The following WAPL variants were observed in gnomAD, a reference collection of about 807,000 sequenced individuals.
WAPL encodes the protein WAPL cohesin release factor.
WAPL carries 5 observed loss-of-function variants against 121.0 expected under a neutral mutation model. That is an observed-to-expected ratio of 0.04 (90% confidence interval 0.02 to 0.09). The LOEUF (loss-of-function observed/expected upper bound fraction) is 0.09. Ranked by LOEUF, WAPL falls within the 10% of genes least tolerant of loss-of-function variation. WAPL has a pLI of 1.00. For missense variants in WAPL, 999 were observed against 1,410.8 expected (o/e 0.71, Z 4.68); for synonymous variants, 480 against 481.5 (o/e 1.00, Z 0.04).
intron 2 of WAPL, among the ~76,000 whole-genome samples, chr10:86,502,160 A>C (rs544216774): frequency 1.3e-5 from 2 of 152,374 alleles, no homozygotes; most frequent in African/African-American, 2.4e-5. Context: ...CAAGAAACTC[A>C]ATAGAACACT....
chr10:86,497,510 T>A (rs1842171209), intron 3 of WAPL, among the ~76,000 whole-genome samples, 191 bp from the exon 4 acceptor site: 1 of 152,184 alleles, frequency 6.6e-6, no homozygotes, highest in Non-Finnish European at 1.5e-5. Flanking sequence ...TTCCTGCTTG[T>A]CCCTCCCGCA....
At chr10:86,494,731 C>CA (rs1842119269) in intron 4 of WAPL, among the ~76,000 whole-genome samples, 1 of 152,138 alleles carries the variant, frequency 6.6e-6, no homozygotes, top group Non-Finnish European at 1.5e-5. Flanking sequence ...AATGCCCATT[C>CA]AAAATGCAAG....
chr10:86,499,236 T>C (rs1316804888), intron 3 of WAPL, among the ~76,000 whole-genome samples: 10 of 152,222 alleles, frequency 6.6e-5, no homozygotes, highest in African/African-American at 2.4e-5. Flanking sequence ...TCATTAACAC[T>C]TGAAATGCTG....
At chr10:86,479,590 T>C (rs538100217) in intron 4 of WAPL, among the ~76,000 whole-genome samples, 1 of 152,354 alleles carries the variant, frequency 6.6e-6, no homozygotes, top group East Asian at 1.9e-4. Context: ...AAATACTTTA[T>C]GAACAAGAAG....
chr10:86,443,283 C>G lies in WAPL; in HGVS notation c.3403G>C (p.Glu1135Gln). 1 of 1,613,364 alleles carries G rather than the reference C, an allele frequency of 6.2e-7. No homozygotes were observed. Among genetic ancestry groups the G allele is most frequent in the Non-Finnish European group, 8.5e-7 (1 of 1,179,450 alleles). Residue 1135 changes from glutamate to glutamine, a missense_variant, in exon 17 of 19, where the codon GAA becomes CAA. This residue lies in a region of WAPL where 35 missense variants were observed against 80.3 expected (regional missense o/e 0.44). Transcript: ENST00000298767. ...CTGAACTATGTACTTACTGGACTTT[C>G]CTGGCAGAGACACCCAAGAAGTAGT... The part of the protein sequence containing the change: ...TALLLGCLCQ[E>Q]SPINVTTVRE...
intron 15 of WAPL, among the ~76,000 whole-genome samples, chr10:86,447,163 A>G (rs1289556783): frequency 1.3e-5 from 2 of 152,202 alleles, no homozygotes; most frequent in Admixed American, 6.5e-5. Context: ...TTTGGAATCT[A>G]CATGCCATGT....
chr10:86,499,794 A>T lies in WAPL; in HGVS notation c.1449T>A (p.Ala483=). ...RKTSKKRTKT[A]PSPSLQPPPE... ...GGGGAGGCTGCAAGGAGGGTGATGG[A>T]GCTGTTTTAGTTCTTTTTTTGCTTG... is the stretch of plus-strand genomic sequence containing the variant. Residue 483 remains alanine, a synonymous_variant, in exon 3 of 19, where the codon GCT becomes GCA. Coordinates refer to ENST00000298767, the MANE Select transcript of WAPL (RefSeq NM_015045.5). The T allele has an allele frequency of 6.2e-7, 1 of 1,612,458 alleles. No homozygotes were observed. The highest frequency in any genetic ancestry group is 1.7e-5 in the Admixed American group (1 of 59,618).
In WAPL at chr10:86,471,027, C is replaced by G; in HGVS notation, c.2107G>C (p.Val703Leu). ...TGGGAATCATCCAAGGTTTTAAAGACCATTGCTACCATCCCATGTGCTCTC... is the reference window on the plus strand; with the variant it reads ...TGGGAATCATCCAAGGTTTTAAAGAGCATTGCTACCATCCCATGTGCTCTC... ...HLRAHGMVAM[V>L]FKTLDDSQHH... Residue 703 changes from valine (V) to leucine (L), a missense_variant, in exon 8 of 19, where the codon GTC (valine) becomes CTC (leucine). This residue lies in a region of WAPL where 118 missense variants were observed against 318.3 expected (regional missense o/e 0.37). Transcript: ENST00000298767. 6.2e-7 allele frequency: 1 copy of G among 1,613,904 alleles called. No individual in the cohort carries two copies.
In WAPL at chr10:86,472,383, A is replaced by C; in HGVS notation, c.1894-39T>G. The stretch of plus-strand genomic sequence containing the variant: ...AAAAGTTCACCCCTTTTTAACTAGG[A>C]ACTAGCATATTTAAATCTATGGGCT... On this transcript the variant is annotated intron_variant, in intron 6 of 18. Transcript: ENST00000298767. The surrounding 1 kb of genome is among the most constrained non-coding windows in gnomAD (Gnocchi z 4.2). The C allele has an allele frequency of 6.3e-7, 1 of 1,575,578 alleles. No individual in the cohort carries two copies. Among genetic ancestry groups the C allele is most frequent in the South Asian group, 1.2e-5 (1 of 84,062 alleles).
Position 86,446,254 on chromosome 10 carries a change from C to T in WAPL, c.3310G>A (p.Asp1104Asn). The T allele has an allele frequency of 6.2e-7, 1 of 1,614,076 alleles. No individual in the cohort carries two copies. Among genetic ancestry groups the T allele is most frequent in the Non-Finnish European group, 8.5e-7 (1 of 1,179,986 alleles). The change falls in exon 16 of 19, where the codon GAC (aspartate) becomes AAC (asparagine). Residue 1104 changes from aspartate to asparagine, a missense_variant. Around this residue, in one of 7 missense-constraint regions of WAPL, gnomAD observed 126 missense variants for 144.0 expected, o/e 0.87. Coordinates refer to ENST00000298767, the MANE Select transcript of WAPL (RefSeq NM_015045.5). ...HKKEEEDEEL[D>N]LNKALQHAGK... is the part of the protein sequence containing the mutation. ...AAAGTAAATATACCTTTATTGAGGT[C>T]AAGTTCTTCATCCTCCTCCTCCTTC...
intron 4 of WAPL, among the ~76,000 whole-genome samples, chr10:86,481,181 A>C (rs945281380): frequency 6.6e-6 from 1 of 152,166 alleles, no homozygotes; most frequent in African/African-American, 2.4e-5. Flanking sequence ...AAAGATATAA[A>C]CAGTCAACAT....
At chr10:86,491,732 T>TA (rs1842052549) in intron 4 of WAPL, among the ~76,000 whole-genome samples, 1 of 147,696 alleles carries the variant, frequency 6.8e-6, no homozygotes, top group African/African-American at 2.5e-5. Flanking sequence ...CAACTTCAAC[T>TA]TAAAAAAAAA....
At chr10:86,446,722 T>A (rs762600412) in intron 15 of WAPL, among the ~76,000 whole-genome samples, 1 of 152,100 alleles carries the variant, frequency 6.6e-6, no homozygotes, top group Non-Finnish European at 1.5e-5. Context: ...TACAAGAAAT[T>A]CAAGCAAAAA....
In WAPL at chr10:86,437,628, G is replaced by A. The variant is rs761081270; in HGVS notation, c.3508-20C>T. On this transcript the variant is annotated intron_variant, in intron 18 of 18. Transcript: ENST00000298767. Reference sequence around the variant, plus strand: ...AGCACACTGAAAGCAGGGTGAAGGGGAAAGGAAGTAACAGTTAATATTTAA... The same window carrying A: ...AGCACACTGAAAGCAGGGTGAAGGGAAAAGGAAGTAACAGTTAATATTTAA... 1.2e-6 allele frequency: 2 copies of A among 1,612,092 alleles called. No homozygotes were observed. Among genetic ancestry groups the A allele is most frequent in the East Asian group, 2.2e-5 (1 of 44,844 alleles).
chr10:86,495,629 G>A (rs1842134646), intron 4 of WAPL, among the ~76,000 whole-genome samples: 1 of 152,040 alleles, frequency 6.6e-6, no homozygotes, highest in South Asian at 2.1e-4. Flanking sequence ...ACAATTTATT[G>A]GATATGACAC....
rs188868379 is a variant in WAPL at position 86,493,871 on chromosome 10, C to T, written c.1644+3330G>A. Among the ~76,000 whole-genome samples, 851 of 152,198 alleles carry T rather than the reference C, an allele frequency of 5.6e-3. 6 individuals carry two copies. The highest frequency in any genetic ancestry group is 0.019 in the African/African-American group (791 of 41,526). On this transcript the variant is annotated intron_variant, in intron 4 of 18. Coordinates refer to ENST00000298767, the MANE Select transcript of WAPL (RefSeq NM_015045.5). Reference sequence around the variant, plus strand: ...ACAAAAAATTAGCCAGGCATGGTGGCGCTTGCCTGTAGTCCCAGCTACCCA... The same window carrying T: ...ACAAAAAATTAGCCAGGCATGGTGGTGCTTGCCTGTAGTCCCAGCTACCCA...
At chr10:86,518,818 T>C (rs1334324503) in intron 1 of WAPL, among the ~76,000 whole-genome samples, 1 of 152,224 alleles carries the variant, frequency 6.6e-6, no homozygotes, top group African/African-American at 2.4e-5. Context: ...ATGGTGCTTT[T>C]TCTCATGTTT....
intron 2 of WAPL, among the ~76,000 whole-genome samples, chr10:86,503,785 C>T (rs922024783): frequency 2.7e-5 from 4 of 150,840 alleles, no homozygotes; most frequent in Non-Finnish European, 4.4e-5. Context: ...ATGAAAAATG[C>T]TTATCATTAG....
intron 12 of WAPL, among the ~76,000 whole-genome samples, chr10:86,455,386 A>G (rs910293533): frequency 2.0e-5 from 3 of 152,006 alleles, no homozygotes; most frequent in Non-Finnish European, 2.9e-5. Context: ...CTTACCCCCA[A>G]CCCCGTGCTC....
Sources: allele counts gnomAD v4.1 joint callset (sites outside exome capture counted in the v4.1 genomes callset), GRCh38; gene constraint gnomAD v4.1.1; regional missense constraint gnomAD v4.1.1; non-coding constraint Gnocchi (gnomAD v3.1); transcripts MANE v1.5; gene names NCBI Gene and HGNC (gene_info 2026-07-23, HGNC 2026-07-21).